AOPEP: variants seen among roughly 807,000 people sequenced by gnomAD.
AOPEP encodes aminopeptidase O (putative), also known as aminopeptidase O.
AOPEP carries 77 observed loss-of-function variants against 98.1 expected under a neutral mutation model. The observed-to-expected ratio is 0.78, with a 90% confidence interval of 0.65 to 0.95. AOPEP has a LOEUF of 0.95. AOPEP is among the 40% of genes least tolerant of loss of function. AOPEP has a pLI of 0.00. For missense variants in AOPEP, 1,024 were observed against 1,024.7 expected, an observed-to-expected ratio of 1.00 and a Z score of 0.01; for synonymous variants, 346 against 365.3, an observed-to-expected ratio of 0.95 and a Z score of 0.60.
At chr9:94,836,658 A>G (rs1314411263) in intron 5 of AOPEP, among the ~76,000 whole-genome samples, 23 of 152,140 alleles carry the variant, frequency 1.5e-4, no homozygotes, top group Admixed American at 1.5e-3. Context: ...TTGCCTTTTC[A>G]TTCCTTTAAC....
intron 13 of AOPEP, among the ~76,000 whole-genome samples, chr9:95,045,167 A>G (rs2065728459): frequency 6.6e-6 from 1 of 152,240 alleles, no homozygotes; most frequent in Non-Finnish European, 1.5e-5. Context: ...CTCTCCAGCC[A>G]ACGGCGCCCC....
At chr9:94,870,394 A>G (rs115765792) in intron 5 of AOPEP, among the ~76,000 whole-genome samples, 1,679 of 152,344 alleles carry the variant, frequency 0.011, 33 homozygotes, top group African/African-American at 0.038. Flanking sequence ...TTTCTAGACT[A>G]CCAGTCTGTC....
intron 7 of AOPEP, among the ~76,000 whole-genome samples, chr9:94,929,749 A>G (rs2054985236): frequency 6.6e-6 from 1 of 152,350 alleles, no homozygotes; most frequent in Non-Finnish European, 1.5e-5. Context: ...TAGCAGGGAC[A>G]TGGCTACAGG....
chr9:94,834,913 G>T (rs550051122), intron 5 of AOPEP, among the ~76,000 whole-genome samples: 19 of 152,156 alleles, frequency 1.2e-4, no homozygotes, highest in African/African-American at 4.6e-4. Context: ...ATATTTTTTT[G>T]AGGGAGACAA....
At chr9:94,812,442 A>G (rs1850816140) in intron 5 of AOPEP, among the ~76,000 whole-genome samples, 1 of 152,158 alleles carries the variant, frequency 6.6e-6, no homozygotes, top group African/African-American at 2.4e-5. Context: ...TCTCGCTCCA[A>G]GGGACTCAAA....
chr9:95,148,926 C>G, the AOPEP span, among the ~76,000 whole-genome samples: 5 of 152,174 alleles, frequency 3.3e-5, no homozygotes, highest in Non-Finnish European at 1.5e-5. Context: ...CCGCCTTTCC[C>G]AATTACTATC....
chr9:95,125,634 C>A, the AOPEP span, among the ~76,000 whole-genome samples: 8 of 152,184 alleles, frequency 5.3e-5, no homozygotes, highest in Non-Finnish European at 7.4e-5. Context: ...ATTAATTTTT[C>A]TTTATGTTTG....
chr9:95,028,462 T>C (rs2064024081), intron 13 of AOPEP, among the ~76,000 whole-genome samples: 1 of 152,218 alleles, frequency 6.6e-6, no homozygotes, highest in Non-Finnish European at 1.5e-5. Flanking sequence ...GCTGGAGAGC[T>C]GTACAGGTGA....
chr9:94,846,951 C>G (rs79819882), intron 5 of AOPEP, among the ~76,000 whole-genome samples: 4,892 of 150,380 alleles, frequency 0.033, 266 homozygotes, highest in African/African-American at 0.11. Context: ...GAGAATGGAG[C>G]GGATAGTGGA....
At chr9:94,921,898 A>T (rs1285036885) in intron 5 of AOPEP, among the ~76,000 whole-genome samples, 1 of 152,192 alleles carries the variant, frequency 6.6e-6, no homozygotes, top group African/African-American at 2.4e-5. Flanking sequence ...AGAGGACAGT[A>T]GGAAGTACAT....
At chr9:94,811,695 C>G (rs993139825) in intron 5 of AOPEP, among the ~76,000 whole-genome samples, 4 of 152,162 alleles carry the variant, frequency 2.6e-5, no homozygotes, top group African/African-American at 9.7e-5. Flanking sequence ...GAAATTGCAC[C>G]CAGAAAGCCT....
chr9:94,812,915 G>A (rs1410649702), intron 5 of AOPEP, among the ~76,000 whole-genome samples: 2 of 152,060 alleles, frequency 1.3e-5, no homozygotes, highest in Non-Finnish European at 2.9e-5. Flanking sequence ...AATTTAAAGC[G>A]TTTTATTGAG....
intron 16 of AOPEP, 175 bp from the exon 17 acceptor site, chr9:95,086,507 C>CG: frequency 1.0e-6 from 1 of 985,342 alleles, no homozygotes; most frequent in Non-Finnish European, 1.2e-6. Flanking sequence ...AGCAGGCCAG[C>CG]GTCACACGGC....
chr9:95,134,199 C>T, the AOPEP span, among the ~76,000 whole-genome samples: 8 of 152,234 alleles, frequency 5.3e-5, no homozygotes, highest in South Asian at 4.1e-4. Flanking sequence ...AGGGGAGAAA[C>T]GGGATCGCGG....
chr9:94,847,543 A>G (rs1343363372), intron 5 of AOPEP, among the ~76,000 whole-genome samples: 1 of 152,254 alleles, frequency 6.6e-6, no homozygotes, highest in Non-Finnish European at 1.5e-5. Context: ...AATTGAATAG[A>G]TTCTTATAGA....
intron 5 of AOPEP, among the ~76,000 whole-genome samples, chr9:94,850,034 C>T (rs1449383799): frequency 8.8e-6 from 1 of 113,220 alleles, no homozygotes. Flanking sequence ...GATTCCATCT[C>T]AAAAAAAAAA....
chr9:94,925,346 C>G (rs1477746100), intron 6 of AOPEP, among the ~76,000 whole-genome samples: 5 of 152,254 alleles, frequency 3.3e-5, no homozygotes, highest in Admixed American at 6.5e-5. Context: ...CCCTTATACA[C>G]TGGACTATTT....
At chr9:95,118,362 C>T in the AOPEP span, among the ~76,000 whole-genome samples, 10 of 152,342 alleles carry the variant, frequency 6.6e-5, no homozygotes, top group East Asian at 1.5e-3. Context: ...AAACTGTGCT[C>T]GCATTTCGAG....
Position 94,913,603 on chromosome 9 carries a change from T to C in AOPEP, c.1365-10383T>C, listed in dbSNP as rs112753461. On this transcript the variant is annotated intron_variant, in intron 5 of 16. Coordinates refer to ENST00000375315, the MANE Select transcript of AOPEP (RefSeq NM_001193329.3). ...GCATTTATTGATGCAGATGAGTACT[T>C]TGAAAAATTAAGAGAGACATTTACT... is the stretch of plus-strand genomic sequence containing the variant. Among the ~76,000 whole-genome samples, 13 of 152,342 alleles carry C rather than the reference T, an allele frequency of 8.5e-5. 1 individual carries two copies. Among genetic ancestry groups the C allele is most frequent in the African/African-American group, 3.1e-4 (13 of 41,574 alleles).
Sources: gnomAD v4.1 joint callset for allele counts (sites outside exome capture counted in the v4.1 genomes callset) on GRCh38, gnomAD v4.1.1 for gene constraint, MANE v1.5 for transcripts, NCBI Gene and HGNC (gene_info 2026-07-23, HGNC 2026-07-21) for gene names.